Variants in KLHL1 observed in about 807,000 individuals in gnomAD.
KLHL1 encodes the protein kelch-like protein 1.
In KLHL1, 47 loss-of-function variants were observed where a neutral mutation model predicts 77.7. The ratio of observed to expected loss-of-function variants is 0.60; its 90% CI spans 0.48 to 0.77. KLHL1 has a LOEUF of 0.77. Among genes scored for constraint, KLHL1 ranks in the 30% least tolerant of loss-of-function variants. The pLI is 0.00. For missense variants in KLHL1, 925 were observed against 910.8 expected (o/e 1.02, Z -0.20); for synonymous variants, 360 against 325.2 (o/e 1.11, Z -1.15).
chr13:69,854,211 C>T (rs1879800929), intron 5 of KLHL1, among the ~76,000 whole-genome samples: 4 of 152,090 alleles, frequency 2.6e-5, no homozygotes, highest in Admixed American at 6.6e-5. Context: ...TTATTTGGCT[C>T]ATAGTTCTGC....
At chr13:69,957,231 C>CCT (rs1883917018) in intron 3 of KLHL1, among the ~76,000 whole-genome samples, 2 of 151,700 alleles carry the variant, frequency 1.3e-5, no homozygotes, top group Non-Finnish European at 3.0e-5. Flanking sequence ...CACATCTAAA[C>CCT]TGAGAATGCC....
chr13:69,706,860 T>A (rs1875649621), intron 10 of KLHL1, among the ~76,000 whole-genome samples: 1 of 148,846 alleles, frequency 6.7e-6, no homozygotes, highest in African/African-American at 2.6e-5. Flanking sequence ...TAGTTTGCCC[T>A]GGCCTCATCT....
rs369748214 is a variant in KLHL1 at position 69,839,057 on chromosome 13, A to C, written c.1333T>G (p.Leu445Val). 2.2e-5 allele frequency: 35 copies of C among 1,611,214 alleles called. No individual in the cohort carries two copies. The highest frequency in any genetic ancestry group is 2.7e-5 in the African/African-American group (2 of 74,792). Residue 445 changes from leucine (L) to valine (V), a missense_variant, in exon 6 of 11, where the codon TTA becomes GTA. Transcript: ENST00000377844. ...GGTTTAGTTCTCGGACTTTGCATTA[A>C]AGTTCTTCTTTCTGGCAATAGATGG... ...KYHLLPERRTLMQSPRTKPRK... is the reference protein window; with the variant it reads ...KYHLLPERRTVMQSPRTKPRK...
intron 4 of KLHL1, among the ~76,000 whole-genome samples, chr13:69,904,342 A>G (rs1053862025): frequency 4.6e-5 from 7 of 152,196 alleles, no homozygotes; most frequent in Admixed American, 3.9e-4. Context: ...GAATATGAAT[A>G]TAAAAAAGTA....
chr13:69,740,544 A>T lies in KLHL1; in HGVS notation c.1652T>A (p.Leu551His). The change falls in exon 8 of 11, where the codon CTT (leucine) becomes CAT (histidine). Residue 551 changes from leucine to histidine, a missense_variant. By Grantham distance (99) the Leu-to-His change is moderately conservative. Transcript: ENST00000377844. ...TCCCACAGCATAAATAGGGCCTTCA[A>T]GTACTGTTACACCTAAAATATTAGA... ...THRHGLGVTV[L>H]EGPIYAVGGH... The T allele has an allele frequency of 6.2e-7, 1 of 1,610,240 alleles. No homozygotes were observed. Among genetic ancestry groups the T allele is most frequent in the Non-Finnish European group, 8.5e-7 (1 of 1,177,290 alleles).
intron 4 of KLHL1, among the ~76,000 whole-genome samples, chr13:69,897,568 G>C (rs1223987005): frequency 1.3e-5 from 2 of 152,098 alleles, no homozygotes; most frequent in African/African-American, 2.4e-5. Context: ...ACCTAGCGAG[G>C]GACATTGGTT....
Position 69,746,912 on chromosome 13 carries a change from T to C in KLHL1, c.1640-6356A>G, listed in dbSNP as rs1243774310. On this transcript the variant is annotated intron_variant, in intron 7 of 10. Coordinates refer to ENST00000377844, the MANE Select transcript of KLHL1 (RefSeq NM_020866.3). ...TTTCCAGGGTCTTGATGCATTTGTG[T>C]AAGCCTCCATAAAAAGGTTAAACTC... 2.0e-5 allele frequency among the ~76,000 whole-genome samples: 3 copies of C among 152,186 alleles called. No individual in the cohort carries two copies. In the East Asian group the frequency reaches 5.8e-4, roughly 29 times the overall value.
At chr13:69,939,856 A>G (rs943395101) in intron 4 of KLHL1, among the ~76,000 whole-genome samples, 184 bp downstream of exon 4, 2 of 152,228 alleles carry the variant, frequency 1.3e-5, no homozygotes, top group African/African-American at 4.8e-5. Flanking sequence ...TAAATCCAGT[A>G]TAGAATGTGT....
intron 1 of KLHL1, among the ~76,000 whole-genome samples, chr13:70,041,169 CT>C (rs1886371869): frequency 6.6e-6 from 1 of 151,822 alleles, no homozygotes; most frequent in South Asian, 2.1e-4. Flanking sequence ...TATCATGCTC[CT>C]TGGAATATTT....
chr13:69,878,711 T>TATAGAG (rs1555276584), intron 5 of KLHL1, among the ~76,000 whole-genome samples: 6 of 143,506 alleles, frequency 4.2e-5, no homozygotes, highest in African/African-American at 1.6e-4. Context: ...TATATATATA[T>TATAGAG]AGAGAGAGAG....
At chr13:69,793,498 GT>G (rs11374810) in intron 7 of KLHL1, among the ~76,000 whole-genome samples, 1 of 150,134 alleles carries the variant, frequency 6.7e-6, no homozygotes. Flanking sequence ...AATCATGTAA[GT>G]TTTTTTTTTA....
intron 2 of KLHL1, among the ~76,000 whole-genome samples, chr13:69,969,537 A>T (rs186435671): frequency 1.5e-4 from 23 of 152,284 alleles, no homozygotes; most frequent in Admixed American, 1.3e-3. Context: ...ATATATCAAC[A>T]TAAAGTTAAC....
At position 70,067,634 on chromosome 13, in the gene KLHL1, GACAACA is replaced by G. The variant is rs3072584; in HGVS notation, c.497+39563_497+39568del. Among the ~76,000 whole-genome samples, 1,072 of 151,036 alleles carry G rather than the reference GACAACA, an allele frequency of 7.1e-3. 2 individuals are homozygous for G. Among genetic ancestry groups the G allele is most frequent in the Admixed American group, 0.011 (162 of 15,132 alleles). ...TACAGGGGCTCAGATGACATATTTTGACAACAACAACAACAACAACAACAACAAAAA... is the reference window on the plus strand; with the variant it reads ...TACAGGGGCTCAGATGACATATTTTGACAACAACAACAACAACAACAAAAA... On this transcript the variant is annotated intron_variant, in intron 1 of 10. Transcript: ENST00000377844.
chr13:69,781,285 C>CTTTTTTTTTTTTTTTTTTTT (rs869083780), intron 7 of KLHL1, among the ~76,000 whole-genome samples: 4 of 119,708 alleles, frequency 3.3e-5, no homozygotes, highest in Non-Finnish European at 5.0e-5. Context: ...TTTTTTCTTT[C>CTTTTTTTTTTTTTTTTTTTT]TTTTTTTTTT....
chr13:69,982,205 G>A (rs951482199), intron 1 of KLHL1, among the ~76,000 whole-genome samples: 14 of 151,688 alleles, frequency 9.2e-5, no homozygotes, highest in Non-Finnish European at 1.8e-4. Context: ...AGGCCAAGGC[G>A]GGCGGATTAC....
chr13:69,732,076 A>T (rs1203307180), intron 8 of KLHL1, among the ~76,000 whole-genome samples: 1 of 152,126 alleles, frequency 6.6e-6, no homozygotes, highest in African/African-American at 2.4e-5. Flanking sequence ...GGGGAGTCAA[A>T]TAAAGATATC....
intron 6 of KLHL1, among the ~76,000 whole-genome samples, chr13:69,804,042 T>C (rs1877505225): frequency 6.6e-6 from 1 of 152,218 alleles, no homozygotes; most frequent in South Asian, 2.1e-4. Context: ...TTTTCTGTGG[T>C]AATTTGTTAC....
chr13:69,994,215 G>C (rs1002261899), intron 1 of KLHL1, among the ~76,000 whole-genome samples: 1 of 152,086 alleles, frequency 6.6e-6, no homozygotes, highest in African/African-American at 2.4e-5. Context: ...CATAATGCCT[G>C]TTTACTACAC....
chr13:69,711,231 A>C (rs1875863336), intron 9 of KLHL1, among the ~76,000 whole-genome samples: 1 of 152,142 alleles, frequency 6.6e-6, no homozygotes. Context: ...TACAGGAGAT[A>C]TTTAGATAGA....
Sources: gnomAD v4.1 joint callset for allele counts (sites outside exome capture counted in the v4.1 genomes callset) on GRCh38, gnomAD v4.1.1 for gene constraint, MANE v1.5 for transcripts, NCBI Gene and HGNC (gene_info 2026-07-23, HGNC 2026-07-21) for gene names.